THAP4: variants seen among roughly 807,000 people sequenced by gnomAD.
THAP4 encodes the protein peroxynitrite isomerase THAP4.
A neutral mutation model predicts 48.1 loss-of-function variants in THAP4; 18 were observed. The ratio of observed to expected loss-of-function variants is 0.37; its 90% CI spans 0.26 to 0.56. The LOEUF is 0.56. Ranked by LOEUF, THAP4 falls within the 20% of genes least tolerant of loss-of-function variation. The pLI is 0.78. For synonymous variants in THAP4, 345 were observed against 324.9 expected (o/e 1.06, Z -0.66); for missense variants, 656 against 774.9 (o/e 0.85, Z 1.82).
chr2:241,608,793 G>A (rs1421017550), intron 2 of THAP4, among the ~76,000 whole-genome samples: 1 of 152,214 alleles, frequency 6.6e-6, no homozygotes, highest in Non-Finnish European at 1.5e-5. Context: ...AGGGAGACAG[G>A]GCTGTTGGGG....
chr2:241,593,598 G>A (rs1165299053), intron 5 of THAP4, among the ~76,000 whole-genome samples: 5 of 152,242 alleles, frequency 3.3e-5, no homozygotes, highest in African/African-American at 7.2e-5. Flanking sequence ...GCTCCGTGGC[G>A]TGGCCTGAGT....
intron 5 of THAP4, among the ~76,000 whole-genome samples, chr2:241,591,148 C>A (rs111839087): frequency 5.2e-5 from 3 of 57,936 alleles, no homozygotes. Context: ...TCAGAACTGC[C>A]CGGCTGACGA....
At chr2:241,585,866 T>A (rs947742681) in intron 5 of THAP4, among the ~76,000 whole-genome samples, 1 of 127,370 alleles carries the variant, frequency 7.9e-6, no homozygotes, top group Non-Finnish European at 1.6e-5. Flanking sequence ...TGAGCCGAGA[T>A]CATGCCACTG....
chr2:241,584,833 G>T, intron 5 of THAP4, 108 bp from the exon 6 acceptor site: 1 of 1,422,232 alleles, frequency 7.0e-7, no homozygotes. Flanking sequence ...TGTGAGCCAG[G>T]CAGTGGCCCT....
intron 3 of THAP4, among the ~76,000 whole-genome samples, chr2:241,604,870 T>C (rs1228346769): frequency 1.3e-5 from 2 of 152,232 alleles, no homozygotes; most frequent in Non-Finnish European, 2.9e-5. Context: ...GATAAATTTC[T>C]GTTGGGCTAG....
chr2:241,592,620 C>T (rs1051538257), intron 5 of THAP4, among the ~76,000 whole-genome samples: 8 of 152,228 alleles, frequency 5.3e-5, no homozygotes, highest in African/African-American at 1.4e-4. Context: ...ACGTCCCATC[C>T]CAGCCTGATC....
Position 241,633,179 on chromosome 2 carries a change from C to A in THAP4, c.978G>T (p.Met326Ile), listed in dbSNP as rs1210604701. ...VQSEHSDASP[M>I]SINEVILSAS... ...CCGACAGGATGACCTCGTTGATGGA[C>A]ATGGGGCTGGCGTCGCTGTGCTCGC... Residue 326 changes from methionine (M) to isoleucine (I), a missense_variant, in exon 2 of 6, where the codon ATG (methionine) becomes ATT (isoleucine). Physicochemically the swap from Met to Ile is conservative, Grantham distance 10. Coordinates refer to ENST00000407315, the MANE Select transcript of THAP4 (RefSeq NM_015963.6). This position sits in a 1 kb window ranked among gnomAD's most constrained non-coding sequence, Gnocchi z 7.5. The A allele has an allele frequency of 1.2e-6, 2 of 1,608,594 alleles. No individual in the cohort carries two copies. Among genetic ancestry groups the A allele is most frequent in the Non-Finnish European group, 1.7e-6 (2 of 1,176,664 alleles).
At chr2:241,631,584 G>C (rs2067561954) in intron 2 of THAP4, among the ~76,000 whole-genome samples, 2 of 152,172 alleles carry the variant, frequency 1.3e-5, no homozygotes, top group Admixed American at 1.3e-4. Context: ...TTCTGCCTCA[G>C]TCTCCCAAGT....
intron 5 of THAP4, chr2:241,585,013 C>T (rs999442134): frequency 2.8e-5 from 10 of 359,198 alleles, no homozygotes; most frequent in Admixed American, 4.2e-5. Flanking sequence ...CGTCTGACCT[C>T]GGAAGCTAAG....
intron 2 of THAP4, among the ~76,000 whole-genome samples, chr2:241,627,610 C>G (rs2067509651): frequency 6.6e-6 from 1 of 152,196 alleles, no homozygotes; most frequent in Non-Finnish European, 1.5e-5. Context: ...GGCTAGCGAG[C>G]TGAATAGACA....
chr2:241,596,764 C>T (rs1027704331), intron 5 of THAP4, among the ~76,000 whole-genome samples: 1 of 151,970 alleles, frequency 6.6e-6, no homozygotes, highest in African/African-American at 2.4e-5. Context: ...CGAGACTGCA[C>T]CACTGCACTC....
intron 5 of THAP4, among the ~76,000 whole-genome samples, chr2:241,596,808 AAAC>A (rs1018959633): frequency 1.7e-4 from 26 of 152,142 alleles, no homozygotes; most frequent in East Asian, 1.2e-3. Context: ...TCCGTCTCAA[AAAC>A]AACAACAACA....
At position 241,608,498 on chromosome 2, in the gene THAP4, A is replaced by C. The variant is rs553050828; in HGVS notation, c.1241-2025T>G. Reference sequence around the variant, plus strand: ...ATTTGGACTTCAATAAAACTTTCCTAATTAGACAATAAGAGAATTTTTAAA... The same window carrying C: ...ATTTGGACTTCAATAAAACTTTCCTCATTAGACAATAAGAGAATTTTTAAA... On this transcript the variant is annotated intron_variant, in intron 2 of 5. Coordinates refer to ENST00000407315, the MANE Select transcript of THAP4 (RefSeq NM_015963.6). Among the ~76,000 whole-genome samples, 26 of 152,340 alleles carry C rather than the reference A, an allele frequency of 1.7e-4. 1 individual carries two copies. Among genetic ancestry groups the C allele is most frequent in the Non-Finnish European group, 3.5e-4 (24 of 68,038 alleles).
At chr2:241,588,109 G>A (rs1024951481) in intron 5 of THAP4, among the ~76,000 whole-genome samples, 1 of 151,946 alleles carries the variant, frequency 6.6e-6, no homozygotes, top group Admixed American at 6.6e-5. Flanking sequence ...ATTTAACAAA[G>A]TCACATGATA....
intron 2 of THAP4, among the ~76,000 whole-genome samples, chr2:241,631,030 C>T (rs112758740): frequency 0.011 from 1,682 of 152,180 alleles, 29 homozygotes; most frequent in African/African-American, 0.039. Flanking sequence ...TGCACTCCAA[C>T]CTCGGCAACA....
chr2:241,631,499 A>G (rs1456772693), intron 2 of THAP4, among the ~76,000 whole-genome samples: 3 of 152,232 alleles, frequency 2.0e-5, no homozygotes, highest in African/African-American at 7.2e-5. Flanking sequence ...ACAGGGTCTC[A>G]CTGTCACCTA....
chr2:241,637,193 C>T (rs2067686891), upstream of THAP4: 6 of 988,152 alleles, frequency 6.1e-6, no homozygotes, highest in Non-Finnish European at 7.2e-6. Context: ...CCCGCCCCCG[C>T]CCCAGCCCCC....
At chr2:241,622,510 T>TA (rs886934887) in intron 2 of THAP4, among the ~76,000 whole-genome samples, 9 of 151,732 alleles carry the variant, frequency 5.9e-5, no homozygotes, top group African/African-American at 2.2e-4. Context: ...AAAATGTATG[T>TA]AAAAAAAGGG....
chr2:241,631,388 A>G (rs1453130964), intron 2 of THAP4, among the ~76,000 whole-genome samples: 1 of 152,246 alleles, frequency 6.6e-6, no homozygotes, highest in African/African-American at 2.4e-5. Context: ...GTAAACATCT[A>G]GAAACCAATT....
Sources: gnomAD v4.1 joint callset for allele counts (sites outside exome capture counted in the v4.1 genomes callset) on GRCh38, gnomAD v4.1.1 for gene constraint, Gnocchi (gnomAD v3.1) non-coding constraint, MANE v1.5 for transcripts, NCBI Gene and HGNC (gene_info 2026-07-23, HGNC 2026-07-21) for gene names.